Variants in CEP83 observed in about 807,000 individuals in gnomAD.
CEP83 encodes centrosomal protein of 83 kDa.
In CEP83, 70 loss-of-function variants were observed where a neutral mutation model predicts 101.9. That is an observed-to-expected ratio of 0.69 (90% CI 0.57 to 0.84). The LOEUF (loss-of-function observed/expected upper bound fraction) is 0.84. CEP83 is among the 40% of genes least tolerant of loss of function. The pLI is 0.00. For missense variants in CEP83, 715 were observed against 787.2 expected (o/e 0.91, Z 1.10); for synonymous variants, 264 against 267.9 (o/e 0.99, Z 0.14).
intron 6 of CEP83, among the ~76,000 whole-genome samples, chr12:94,391,558 A>T (rs918580443): frequency 2.6e-5 from 4 of 152,248 alleles, no homozygotes; most frequent in Admixed American, 1.3e-4. Flanking sequence ...TGCTATGAAG[A>T]CACTGCATCA....
At chr12:94,368,498 ATGATAACCAGAGGTTTACT>A (rs1291914065) in intron 9 of CEP83, 1 of 231,778 alleles carries the variant, frequency 4.3e-6, no homozygotes, top group African/African-American at 2.3e-5. Context: ...ATCAAACTGG[ATGATAACCAGAGGTTTACT>A]TACTTCACCT....
the CEP83 span, among the ~76,000 whole-genome samples, chr12:94,282,611 G>A: frequency 3.3e-5 from 5 of 152,318 alleles, no homozygotes; most frequent in Non-Finnish European, 7.4e-5. Context: ...CTTCTCAGAA[G>A]GCTATGATTT....
intron 9 of CEP83, 39 bp from the exon 10 acceptor site, chr12:94,368,240 GTTA>G: frequency 6.6e-7 from 1 of 1,507,598 alleles, no homozygotes; most frequent in Non-Finnish European, 9.0e-7. Flanking sequence ...TATATTCAAT[GTTA>G]TTAAGATGAA....
chr12:94,412,659 A>C (rs1243683206), intron 2 of CEP83, 68 bp from the exon 3 acceptor site: 5 of 482,882 alleles, frequency 1.0e-5, no homozygotes, highest in Non-Finnish European at 1.8e-5. Context: ...TTAATGTTAC[A>C]TATTTTTATC....
At chr12:94,418,947 T>C (rs2064499074) in intron 2 of CEP83, among the ~76,000 whole-genome samples, 1 of 152,090 alleles carries the variant, frequency 6.6e-6, no homozygotes, top group Admixed American at 6.6e-5. Flanking sequence ...TCTTAAAACA[T>C]CTTTTTCTGA....
chr12:94,293,717 C>T, the CEP83 span, among the ~76,000 whole-genome samples: 2 of 152,216 alleles, frequency 1.3e-5, no homozygotes, highest in African/African-American at 4.8e-5. Flanking sequence ...TGTCTGGGCT[C>T]AAGTGATCCT....
At chr12:94,286,747 C>T in the CEP83 span, among the ~76,000 whole-genome samples, 1 of 152,124 alleles carries the variant, frequency 6.6e-6, no homozygotes, top group African/African-American at 2.4e-5. Context: ...GTAGTGACGG[C>T]CAGTTCCTCC....
intron 6 of CEP83, among the ~76,000 whole-genome samples, chr12:94,400,108 T>C (rs1305119730): frequency 1.3e-5 from 2 of 152,258 alleles, no homozygotes; most frequent in Non-Finnish European, 1.5e-5. Flanking sequence ...AAATTTAAAA[T>C]GTAGATATGT....
downstream of CEP83, chr12:94,303,731 G>GGT: frequency 3.6e-5 from 40 of 1,113,628 alleles, no homozygotes; most frequent in African/African-American, 4.0e-5. Context: ...GGTGATGGTT[G>GGT]CTTTTTTTTT....
At chr12:94,407,058 T>C (rs2063586124) in intron 4 of CEP83, among the ~76,000 whole-genome samples, 1 of 151,486 alleles carries the variant, frequency 6.6e-6, no homozygotes. Flanking sequence ...TCTGAAAACA[T>C]GGCAACAGAA....
chr12:94,360,402 G>C (rs1297401381), intron 11 of CEP83, among the ~76,000 whole-genome samples: 2 of 151,946 alleles, frequency 1.3e-5, no homozygotes, highest in South Asian at 2.1e-4. Context: ...AAAGCTCTTA[G>C]AACTTTTAAT....
intron 14 of CEP83, among the ~76,000 whole-genome samples, chr12:94,326,101 G>A (rs1370427446): frequency 3.9e-5 from 6 of 152,072 alleles, no homozygotes; most frequent in South Asian, 2.1e-4. Context: ...CCCCTGACCC[G>A]TAAGAAGGGG....
intron 11 of CEP83, among the ~76,000 whole-genome samples, chr12:94,344,980 T>C (rs1047828705): frequency 6.6e-6 from 1 of 152,004 alleles, no homozygotes; most frequent in East Asian, 1.9e-4. Flanking sequence ...ATCAGTAAAA[T>C]AGAATAGAGT....
chr12:94,377,536 T>C (rs2061614626), intron 7 of CEP83, among the ~76,000 whole-genome samples: 1 of 152,186 alleles, frequency 6.6e-6, no homozygotes, highest in Non-Finnish European at 1.5e-5. Context: ...ACTATTTTCT[T>C]CATATATGAA....
At chr12:94,422,252 C>A (rs747078611) in intron 2 of CEP83, among the ~76,000 whole-genome samples, 30 of 152,288 alleles carry the variant, frequency 2.0e-4, no homozygotes, top group Admixed American at 4.6e-4. Flanking sequence ...ATAGCATGGA[C>A]GCATTAGATT....
intron 4 of CEP83, among the ~76,000 whole-genome samples, chr12:94,410,146 T>G (rs936653359): frequency 2.6e-5 from 4 of 152,198 alleles, no homozygotes; most frequent in East Asian, 3.8e-4. Context: ...TATTTCAATT[T>G]TTCACGTCAT....
intron 12 of CEP83, among the ~76,000 whole-genome samples, chr12:94,334,612 A>C (rs1053744867): frequency 6.6e-6 from 1 of 152,190 alleles, no homozygotes; most frequent in African/African-American, 2.4e-5. Context: ...AAAAGAAACA[A>C]GATTCTTATA....
chr12:94,300,360 A>G, the CEP83 span, among the ~76,000 whole-genome samples: 78 of 152,332 alleles, frequency 5.1e-4, no homozygotes, highest in African/African-American at 1.7e-3. Flanking sequence ...CTGAGGCAAG[A>G]AAGTTTCAGG....
chr12:94,376,237 T>C (rs889133788), intron 7 of CEP83, among the ~76,000 whole-genome samples: 3 of 152,118 alleles, frequency 2.0e-5, no homozygotes, highest in Admixed American at 6.6e-5. Context: ...ACAAACAACA[T>C]ATGAATGACC....
Sources: gnomAD v4.1 joint callset for allele counts (sites outside exome capture counted in the v4.1 genomes callset) on GRCh38, gnomAD v4.1.1 for gene constraint, MANE v1.5 for transcripts, NCBI Gene and HGNC (gene_info 2026-07-23, HGNC 2026-07-21) for gene names.